The following UPRT variants were observed in gnomAD, a reference collection of about 807,000 sequenced individuals.
The protein encoded by UPRT is uracil phosphoribosyltransferase homolog.
In UPRT, 5 loss-of-function variants were observed where a neutral mutation model predicts 22.6. The observed-to-expected ratio is 0.22, with a 90% CI of 0.12 to 0.47. The LOEUF is 0.47. UPRT is among the 20% of genes least tolerant of loss of function. The probability of loss-of-function intolerance (pLI) is 0.99; values close to 1 mark genes in which losing one functional copy is unlikely to be tolerated. For missense variants in UPRT, 181 were observed against 239.9 expected (o/e 0.75, Z 1.62); for synonymous variants, 77 against 87.7 (o/e 0.88, Z 0.68).
intron 4 of UPRT, among the ~76,000 whole-genome samples, chrX:75,299,438 G>T (rs976597141): frequency 8.9e-6 from 1 of 111,890 alleles, no homozygotes; most frequent in African/African-American, 3.2e-5. Flanking sequence ...TCAGGGAGCT[G>T]CTCAACAAAA....
At chrX:75,229,381 A>G (rs2082431746) in intron 4 of UPRT, among the ~76,000 whole-genome samples, 1 of 112,345 alleles carries the variant, frequency 8.9e-6, no homozygotes, top group Non-Finnish European at 1.9e-5. Context: ...AAAGCCAGGA[A>G]AGTAAATAGT....
chrX:75,170,088 G>A (rs781755463), intron 4 of UPRT, among the ~76,000 whole-genome samples: 1 of 101,515 alleles, frequency 9.9e-6, no homozygotes, highest in South Asian at 5.2e-4. Flanking sequence ...CCAGGCTGGA[G>A]CGCAGTGGTG....
At chrX:75,254,217 G>T (rs1006545501) in intron 4 of UPRT, among the ~76,000 whole-genome samples, 1 of 111,526 alleles carries the variant, frequency 9.0e-6, no homozygotes, top group African/African-American at 3.3e-5. Flanking sequence ...ATTTCAGGAG[G>T]TTAGTTATTA....
At chrX:75,247,821 C>G (rs1405934840) in intron 4 of UPRT, among the ~76,000 whole-genome samples, 1 of 112,089 alleles carries the variant, frequency 8.9e-6, no homozygotes, top group African/African-American at 3.2e-5. Context: ...GGAGGCACCC[C>G]TCAGTATGGG....
intron 4 of UPRT, among the ~76,000 whole-genome samples, chrX:75,231,961 C>G (rs2082439729): frequency 8.9e-6 from 1 of 112,164 alleles, no homozygotes; most frequent in African/African-American, 3.2e-5. Flanking sequence ...AGGAACAGCT[C>G]TGGTCTACAG....
intron 4 of UPRT, among the ~76,000 whole-genome samples, chrX:75,173,588 C>T (rs975419670): frequency 1.8e-5 from 2 of 112,697 alleles, no homozygotes; most frequent in Admixed American, 9.3e-5. Context: ...AGTCTCGCAC[C>T]GTGCGCTCAC....
At chrX:75,198,818 C>T (rs987749837) in intron 4 of UPRT, among the ~76,000 whole-genome samples, 1 of 111,424 alleles carries the variant, frequency 9.0e-6, no homozygotes, top group African/African-American at 3.3e-5. Flanking sequence ...CACCCCAACC[C>T]CATCCCCCAG....
intron 4 of UPRT, among the ~76,000 whole-genome samples, chrX:75,174,228 C>T (rs2082239584): frequency 8.9e-6 from 1 of 112,078 alleles, no homozygotes; most frequent in South Asian, 3.7e-4. Context: ...CTCTAGCTAC[C>T]TCCTGCTGGG....
chrX:75,235,779 G>T (rs1209754802), intron 4 of UPRT, among the ~76,000 whole-genome samples: 2 of 111,586 alleles, frequency 1.8e-5, no homozygotes, highest in Non-Finnish European at 3.8e-5. Context: ...AATAAATTAG[G>T]TATTGCTGGG....
chrX:75,247,025 G>A (rs907256651), intron 4 of UPRT, among the ~76,000 whole-genome samples: 1 of 111,858 alleles, frequency 8.9e-6, no homozygotes, highest in African/African-American at 3.2e-5. Flanking sequence ...TAATTAGTTG[G>A]TCTCTAATTT....
intron 4 of UPRT, among the ~76,000 whole-genome samples, chrX:75,172,015 C>G (rs1471483232): frequency 9.0e-6 from 1 of 111,480 alleles, no homozygotes; most frequent in African/African-American, 3.3e-5. Context: ...CTGTGAGAGT[C>G]CTTAGTTTTG....
At chrX:75,269,735 A>C (rs1243251755), upstream of UPRT, among the ~76,000 whole-genome samples, 2 of 112,082 alleles carry the variant, frequency 1.8e-5, no homozygotes, top group African/African-American at 6.5e-5. Context: ...CCTTTCTAAC[A>C]CTTTATACAA....
chrX:75,265,641 C>T (rs985734859), intron 4 of UPRT, among the ~76,000 whole-genome samples: 8 of 111,740 alleles, frequency 7.2e-5, no homozygotes, highest in Non-Finnish European at 7.5e-5. Context: ...TCCTTTAGCC[C>T]GGAGTAGTTT....
intron 3 of UPRT, among the ~76,000 whole-genome samples, chrX:75,163,453 A>G (rs1243405897): frequency 9.0e-6 from 1 of 111,597 alleles, no homozygotes; most frequent in Non-Finnish European, 1.9e-5. Flanking sequence ...AAATCAGGGG[A>G]GTGTTATCCC....
intron 4 of UPRT, among the ~76,000 whole-genome samples, chrX:75,174,809 A>G (rs1040748750): frequency 8.9e-6 from 1 of 112,305 alleles, no homozygotes; most frequent in Non-Finnish European, 1.9e-5. Context: ...TAAGTAGAAT[A>G]TGCCTTGGCT....
At chrX:75,225,712 A>T (rs1263030735) in intron 4 of UPRT, among the ~76,000 whole-genome samples, 1 of 111,902 alleles carries the variant, frequency 8.9e-6, no homozygotes, top group Non-Finnish European at 1.9e-5. Flanking sequence ...ATTCTGGAAA[A>T]TGGGTTAGCA....
intron 6 of UPRT, among the ~76,000 whole-genome samples, chrX:75,301,983 T>C (rs2082745872): frequency 8.9e-6 from 1 of 112,047 alleles, no homozygotes; most frequent in African/African-American, 3.2e-5. Flanking sequence ...AAGCTTTAAA[T>C]TGGTATTTTT....
intron 4 of UPRT, among the ~76,000 whole-genome samples, chrX:75,189,845 A>G (rs913194661): frequency 5.4e-5 from 6 of 111,576 alleles, no homozygotes; most frequent in African/African-American, 2.0e-4. Flanking sequence ...ATCTTCCTCC[A>G]TCCCTTTATT....
chrX:75,231,805 T>G lies in UPRT; in HGVS notation c.-446-59219T>G, dbSNP rs187687787. Among the ~76,000 whole-genome samples, 175 of 112,262 alleles carry G rather than the reference T, an allele frequency of 1.6e-3. 1 individual carries two copies. The highest frequency in any genetic ancestry group is 5.6e-4 in the Non-Finnish European group (30 of 53,247). ...ATCCAGGTCTTATTGATAAACTCCT[T>G]AAACAAATTATCAGTAATTTTGTAT... On this transcript the variant is annotated intron_variant, in intron 4 of 13. Coordinates refer to the UPRT transcript ENST00000652605.
Sources: allele counts gnomAD v4.1 joint callset (sites outside exome capture counted in the v4.1 genomes callset), GRCh38; gene constraint gnomAD v4.1.1; transcripts MANE v1.5; gene names NCBI Gene and HGNC (gene_info 2026-07-23, HGNC 2026-07-21).